CHRM3: variants seen among roughly 807,000 people sequenced by gnomAD.
The protein encoded by CHRM3 is cholinergic receptor muscarinic 3.
In CHRM3, 11 loss-of-function variants were observed where a neutral mutation model predicts 41.8. That is an observed-to-expected ratio of 0.26 (90% CI 0.17 to 0.44). The LOEUF (loss-of-function observed/expected upper bound fraction) is 0.44, where lower values mean the gene tolerates loss of function less well. Among genes scored for constraint, CHRM3 ranks in the 20% least tolerant of loss-of-function variants. The probability of loss-of-function intolerance (pLI) is 1.00; values close to 1 mark genes in which losing one functional copy is unlikely to be tolerated. For missense variants in CHRM3, 571 were observed against 745.4 expected, an observed-to-expected ratio of 0.77 and a Z score of 2.72; for synonymous variants, 297 against 301.4, an observed-to-expected ratio of 0.99 and a Z score of 0.15.
intron 6 of CHRM3, among the ~76,000 whole-genome samples, chr1:239,902,289 C>T (rs1679641270): frequency 6.6e-6 from 1 of 152,146 alleles, no homozygotes; most frequent in Non-Finnish European, 1.5e-5. Flanking sequence ...TCTCCATAAT[C>T]TACAGATCAG....
intron 5 of CHRM3, among the ~76,000 whole-genome samples, chr1:239,710,506 A>T (rs1661660593): frequency 6.6e-6 from 1 of 152,106 alleles, no homozygotes; most frequent in East Asian, 1.9e-4. Flanking sequence ...TAGATATGCT[A>T]TGGGTTTGGG....
In CHRM3 at chr1:239,539,855, G is replaced by A. The variant is rs138973651; in HGVS notation, c.-421-5786G>A. ...AGGTCTCAAATTCCTGGATTCAAGC[G>A]ATCCACCTGCCTGAGCCTCCCAAAA... On this transcript the variant is annotated intron_variant, in intron 2 of 6. Transcript: ENST00000676153. Among the ~76,000 whole-genome samples the A allele has an allele frequency of 3.9e-4, 59 of 152,184 alleles. 1 individual carries two copies. Among genetic ancestry groups the A allele is most frequent in the Middle Eastern group, 3.4e-3 (1 of 294 alleles).
intron 3 of CHRM3, among the ~76,000 whole-genome samples, chr1:239,608,887 T>A (rs765429865): frequency 6.6e-6 from 1 of 152,232 alleles, no homozygotes; most frequent in Non-Finnish European, 1.5e-5. Flanking sequence ...CCCATTTTTT[T>A]TTAATTTTCT....
At chr1:239,409,750 G>A (rs1329884984) in intron 1 of CHRM3, among the ~76,000 whole-genome samples, 2 of 152,110 alleles carry the variant, frequency 1.3e-5, no homozygotes, top group Non-Finnish European at 2.9e-5. Flanking sequence ...AGACCTTCCT[G>A]GCTAACATGG....
intron 3 of CHRM3, among the ~76,000 whole-genome samples, chr1:239,547,965 TA>T (rs1013050607): frequency 1.3e-5 from 2 of 152,068 alleles, no homozygotes; most frequent in Non-Finnish European, 2.9e-5. Context: ...TCACCATGTT[TA>T]AAATGACTTT....
At chr1:239,527,814 G>A (rs1258285841) in intron 2 of CHRM3, among the ~76,000 whole-genome samples, 1 of 152,126 alleles carries the variant, frequency 6.6e-6, no homozygotes, top group Non-Finnish European at 1.5e-5. Context: ...GAGAATTAGA[G>A]ATAATGAATG....
chr1:239,843,849 A>C (rs1427876845), intron 6 of CHRM3, among the ~76,000 whole-genome samples: 1 of 151,938 alleles, frequency 6.6e-6, no homozygotes, highest in East Asian at 1.9e-4. Flanking sequence ...TATTCTCTGA[A>C]ACTGTGTATA....
At chr1:239,664,667 C>T (rs1673587274) in intron 4 of CHRM3, among the ~76,000 whole-genome samples, 1 of 152,148 alleles carries the variant, frequency 6.6e-6, no homozygotes, top group Non-Finnish European at 1.5e-5. Context: ...GTAGCACCCT[C>T]TCTGGGACTC....
chr1:239,693,731 G>A, intron 5 of CHRM3, among the ~76,000 whole-genome samples: 2 of 152,168 alleles, frequency 1.3e-5, no homozygotes, highest in South Asian at 2.1e-4. Context: ...GAAAGGCTGA[G>A]GTCAGCCCAT....
At chr1:239,532,694 T>C (rs1657753897) in intron 2 of CHRM3, among the ~76,000 whole-genome samples, 1 of 148,054 alleles carries the variant, frequency 6.8e-6, no homozygotes, top group South Asian at 2.1e-4. Flanking sequence ...TCCTGAAAAA[T>C]AGAAAAATGT....
At chr1:239,642,172 G>A (rs1671228263) in intron 4 of CHRM3, among the ~76,000 whole-genome samples, 1 of 141,812 alleles carries the variant, frequency 7.1e-6, no homozygotes. Flanking sequence ...TGGGTAACCC[G>A]ACCTTTCTCT....
chr1:239,403,991 GA>G (rs1660214407), intron 1 of CHRM3, among the ~76,000 whole-genome samples: 1 of 143,608 alleles, frequency 7.0e-6, no homozygotes, highest in Non-Finnish European at 1.5e-5. Flanking sequence ...GAGAGAGAGA[GA>G]GAGAGAGAGA....
chr1:239,687,954 T>A (rs1375211824), intron 5 of CHRM3, among the ~76,000 whole-genome samples: 1 of 152,100 alleles, frequency 6.6e-6, no homozygotes, highest in Non-Finnish European at 1.5e-5. Context: ...AACATGTTAA[T>A]GTCGCTAAGT....
At chr1:239,511,482 CAA>C (rs1174736050) in intron 2 of CHRM3, among the ~76,000 whole-genome samples, 1 of 152,138 alleles carries the variant, frequency 6.6e-6, no homozygotes, top group East Asian at 1.9e-4. Flanking sequence ...ACAAAAGTAT[CAA>C]ATGTGATTTC....
chr1:239,636,311 G>C (rs1670461327), intron 4 of CHRM3, among the ~76,000 whole-genome samples: 1 of 152,142 alleles, frequency 6.6e-6, no homozygotes, highest in African/African-American at 2.4e-5. Flanking sequence ...AAACATTCCA[G>C]ATAACAATGA....
At chr1:239,563,457 A>G (rs1476313395) in intron 3 of CHRM3, among the ~76,000 whole-genome samples, 1 of 152,192 alleles carries the variant, frequency 6.6e-6, no homozygotes, top group Non-Finnish European at 1.5e-5. Flanking sequence ...AAAAAATGTA[A>G]AAGAGGCTTG....
At position 239,912,468 on chromosome 1, in the gene CHRM3, C is replaced by A. The variant is rs1680418148; in HGVS notation, c.*3244C>A. 6.0e-6 allele frequency: 1 copy of A among 167,120 alleles called. No homozygotes were observed. Among genetic ancestry groups the A allele is most frequent in the African/African-American group, 2.4e-5 (1 of 41,444 alleles). 10.4% of individuals were successfully genotyped at this position (167,120 alleles called of 1,614,324 possible). A position where few individuals can be genotyped will look rare whatever the true frequency, so the allele number is the denominator to read the frequency against. The stretch of plus-strand genomic sequence containing the variant: ...CAAACAAGAAGCCTAAGCGTTAGAC[C>A]CTGCTGTGGCTAAAGATCTAGAAGG... On this transcript the variant is annotated 3_prime_UTR_variant, in exon 7 of 7. Transcript: ENST00000676153.
intron 3 of CHRM3, among the ~76,000 whole-genome samples, chr1:239,627,189 T>G (rs370787285): frequency 0.045 from 3,892 of 87,124 alleles, 125 homozygotes; most frequent in Middle Eastern, 0.087. Context: ...GGTGCTCCTG[T>G]ATTGGGTGCA....
chr1:239,595,654 A>G (rs947115509), intron 3 of CHRM3, among the ~76,000 whole-genome samples: 1 of 152,186 alleles, frequency 6.6e-6, no homozygotes, highest in Admixed American at 6.5e-5. Flanking sequence ...GACAATATTC[A>G]GTATTCATTC....
Sources: gnomAD v4.1 joint callset for allele counts (sites outside exome capture counted in the v4.1 genomes callset) on GRCh38, gnomAD v4.1.1 for gene constraint, MANE v1.5 for transcripts, NCBI Gene and HGNC (gene_info 2026-07-23, HGNC 2026-07-21) for gene names.